ACAN: variants seen among roughly 807,000 people sequenced by gnomAD.
ACAN encodes the protein aggrecan core protein.
ACAN carries 47 observed loss-of-function variants against 169.1 expected under a neutral mutation model. That is an observed-to-expected ratio of 0.28 (90% CI 0.22 to 0.35). The LOEUF (loss-of-function observed/expected upper bound fraction) is 0.35, where lower values mean the gene tolerates loss of function less well. Ranked by LOEUF, ACAN falls within the 10% of genes least tolerant of loss-of-function variation. ACAN has a pLI of 1.00. For synonymous variants in ACAN, 1,115 were observed against 1,112.2 expected, an observed-to-expected ratio of 1.00 and a Z score of -0.05; for missense variants, 2,716 against 2,759.9, an observed-to-expected ratio of 0.98 and a Z score of 0.36.
At chr15:88,842,239 C>T (rs1236289474) in intron 5 of ACAN, among the ~76,000 whole-genome samples, 1 of 152,124 alleles carries the variant, frequency 6.6e-6, no homozygotes, top group Non-Finnish European at 1.5e-5. Context: ...GCCTTACCCT[C>T]GCAAGCGACA....
chr15:88,852,802 TG>T (rs1896960131), intron 11 of ACAN, among the ~76,000 whole-genome samples: 1 of 152,186 alleles, frequency 6.6e-6, no homozygotes, highest in African/African-American at 2.4e-5. Context: ...AGCTTCCAAC[TG>T]GGGAAAGCTT....
Position 88,857,135 on chromosome 15 carries a change from C to A in ACAN, c.4550C>A (p.Thr1517Asn). 1 of 1,606,884 alleles carries A rather than the reference C, an allele frequency of 6.2e-7. No homozygotes were observed. Among genetic ancestry groups the A allele is most frequent in the Admixed American group, 1.7e-5 (1 of 59,452 alleles). Residue 1517 changes from threonine to asparagine, a missense_variant, in exon 12 of 19, where the codon ACC becomes AAC. Around this residue, in one of 3 missense-constraint regions of ACAN, gnomAD observed 1,389 missense variants for 1,363.7 expected, o/e 1.02. Transcript: ENST00000560601. ...SELPSGEGLE[T>N]SASGVEDLSR... ...CTTCCTTCAGGAGAAGGTCTAGAGA[C>A]CTCTGCTTCTGGAGTAGAGGACCTC...
chr15:88,824,836 A>G (rs1446117602), intron 1 of ACAN, among the ~76,000 whole-genome samples: 4 of 151,840 alleles, frequency 2.6e-5, no homozygotes, highest in Non-Finnish European at 5.9e-5. Context: ...CCAAGATCTG[A>G]CAGGCCTTCA....
intron 13 of ACAN, among the ~76,000 whole-genome samples, chr15:88,865,228 C>G (rs141745629): frequency 2.2e-4 from 34 of 152,280 alleles, no homozygotes; most frequent in African/African-American, 8.2e-4. Context: ...AGTCCCTGCT[C>G]AGTGATGATG....
chr15:88,858,796 G>A lies in ACAN; in HGVS notation c.6211G>A (p.Gly2071Arg), dbSNP rs1179934276. ...CACACCCCAGCTTTTTGAGTCCAGT[G>A]GAAAAGTCTCCACAGCTGGGGACAT... ...THTPQLFESS[G>R]KVSTAGDISG... The change falls in exon 12 of 19, where the codon GGA becomes AGA. Residue 2071 changes from glycine (G) to arginine (R), a missense_variant. Around this residue, in one of 3 missense-constraint regions of ACAN, gnomAD observed 1,389 missense variants for 1,363.7 expected, o/e 1.02. Coordinates refer to ENST00000560601, the MANE Select transcript of ACAN (RefSeq NM_001369268.1). This position sits in a 1 kb window ranked among gnomAD's most constrained non-coding sequence, Gnocchi z 4.0. The A allele has an allele frequency of 1.2e-6, 2 of 1,613,890 alleles. No homozygotes were observed. The highest frequency in any genetic ancestry group is 1.3e-5 in the African/African-American group (1 of 75,052).
chr15:88,851,690 G>T lies in ACAN; in HGVS notation c.2027-104G>T, dbSNP rs977404499. 3 of 1,386,340 alleles carry T rather than the reference G, an allele frequency of 2.2e-6. No homozygotes were observed. Among genetic ancestry groups the T allele is most frequent in the Non-Finnish European group, 2.9e-6 (3 of 1,041,600 alleles). The allele number at this position is 1,386,340 out of a possible 1,614,324, so 85.9% of individuals were successfully genotyped here. A position where few individuals can be genotyped will look rare whatever the true frequency, so the allele number is the denominator to read the frequency against. ...AGCCATCTGCTGAACTAGGAGGTGG[G>T]GCCTGGCCACCTCAGAGTCCCCTAG... On this transcript the variant is annotated intron_variant, in intron 10 of 18. Coordinates refer to ENST00000560601, the MANE Select transcript of ACAN (RefSeq NM_001369268.1). This position sits in a 1 kb window ranked among gnomAD's most constrained non-coding sequence, Gnocchi z 4.3.
intron 1 of ACAN, among the ~76,000 whole-genome samples, chr15:88,808,279 G>C (rs1567161617): frequency 6.6e-6 from 1 of 152,234 alleles, no homozygotes; most frequent in African/African-American, 2.4e-5. Flanking sequence ...GCCCCAGGCT[G>C]CTGCCCCAGA....
chr15:88,825,021 G>C (rs533961727), intron 1 of ACAN, among the ~76,000 whole-genome samples: 1 of 152,260 alleles, frequency 6.6e-6, no homozygotes, highest in African/African-American at 2.4e-5. Context: ...GAAAGATCCA[G>C]AAGTGTGTGC....
intron 1 of ACAN, among the ~76,000 whole-genome samples, chr15:88,810,515 C>T (rs1462513319): frequency 6.6e-6 from 1 of 152,086 alleles, no homozygotes; most frequent in Non-Finnish European, 1.5e-5. Flanking sequence ...ACCCTCCCCT[C>T]ACTCCATCCC....
chr15:88,826,143 C>T (rs904348719), intron 1 of ACAN, among the ~76,000 whole-genome samples: 2 of 152,154 alleles, frequency 1.3e-5, no homozygotes, highest in African/African-American at 4.8e-5. Context: ...ACTCAGCTCA[C>T]GTCGGGGGGC....
intron 13 of ACAN, among the ~76,000 whole-genome samples, chr15:88,867,380 G>A (rs182550807): frequency 1.3e-5 from 2 of 152,320 alleles, no homozygotes; most frequent in African/African-American, 4.8e-5. Context: ...CAGTGCTGTT[G>A]TGCGACCACT....
chr15:88,867,072 G>A (rs2141628822), intron 13 of ACAN, among the ~76,000 whole-genome samples: 1 of 152,290 alleles, frequency 6.6e-6, no homozygotes, highest in Non-Finnish European at 1.5e-5. Flanking sequence ...TCCCAGGGGA[G>A]GAAACCAAGT....
intron 13 of ACAN, among the ~76,000 whole-genome samples, chr15:88,862,777 T>C (rs1285518733): frequency 3.3e-5 from 5 of 152,068 alleles, no homozygotes; most frequent in Non-Finnish European, 5.9e-5. Context: ...GCGGATGGAT[T>C]GCCTGAGGTC....
intron 13 of ACAN, among the ~76,000 whole-genome samples, chr15:88,863,316 G>C (rs958266723): frequency 6.6e-6 from 1 of 152,148 alleles, no homozygotes; most frequent in African/African-American, 2.4e-5. Context: ...CATCACCCAA[G>C]GGAATTAGGC....
Position 88,868,515 on chromosome 15 carries a change from T to C in ACAN, c.7060+186T>C, listed in dbSNP as rs921612066. 1.3e-5 allele frequency among the ~76,000 whole-genome samples: 2 copies of C among 152,170 alleles called. No individual in the cohort carries two copies. The highest frequency in any genetic ancestry group is 2.9e-5 in the Non-Finnish European group (2 of 68,034). On this transcript the variant is annotated intron_variant, in intron 14 of 18. Coordinates refer to ENST00000560601, the MANE Select transcript of ACAN (RefSeq NM_001369268.1). The surrounding 1 kb of genome is among the most constrained non-coding windows in gnomAD (Gnocchi z 5.2). ...ATTCCCACTCTTTTTCTTGCTCTCC[T>C]CCTTGAAAACCCTTTTCTGGAGCAC... is the stretch of plus-strand genomic sequence containing the variant.
chr15:88,874,199 A>G lies in ACAN; in HGVS notation c.7630+175A>G, dbSNP rs530515400. 1 of 1,055,234 alleles carries G rather than the reference A, an allele frequency of 9.5e-7. No homozygotes were observed. The highest frequency in any genetic ancestry group is 2.0e-5 in the Admixed American group (1 of 50,156). 65.4% of individuals were successfully genotyped at this position (1,055,234 alleles called of 1,614,324 possible). A position where few individuals can be genotyped will look rare whatever the true frequency, so the allele number is the denominator to read the frequency against. ...ACCACTGCCCTTAGAAGGGCCACGT[A>G]CTTGTCCCAGGAGAGGGCTCACTTG... On this transcript the variant is annotated intron_variant, in intron 18 of 18. Transcript: ENST00000560601. This position sits in a 1 kb window ranked among gnomAD's most constrained non-coding sequence, Gnocchi z 7.3.
chr15:88,840,380 A>T (rs1357196169), intron 4 of ACAN, among the ~76,000 whole-genome samples, 194 bp downstream of exon 4: 1 of 152,008 alleles, frequency 6.6e-6, no homozygotes, highest in East Asian at 1.9e-4. Context: ...TGTTATTGTG[A>T]TTCTCTCTTG....
intron 1 of ACAN, among the ~76,000 whole-genome samples, chr15:88,818,518 G>A (rs1895997537): frequency 1.3e-5 from 2 of 152,188 alleles, no homozygotes; most frequent in Admixed American, 6.5e-5. Flanking sequence ...TTTCTCTTAT[G>A]GTGTGAGCAC....
At chr15:88,865,037 C>T (rs896944407) in intron 13 of ACAN, among the ~76,000 whole-genome samples, 2 of 152,212 alleles carry the variant, frequency 1.3e-5, no homozygotes, top group African/African-American at 4.8e-5. Flanking sequence ...CCTGACGTCT[C>T]CAATTCAGAC....
Sources: gnomAD v4.1 joint callset for allele counts (sites outside exome capture counted in the v4.1 genomes callset) on GRCh38, gnomAD v4.1.1 for gene constraint, gnomAD v4.1.1 regional missense constraint, Gnocchi (gnomAD v3.1) non-coding constraint, MANE v1.5 for transcripts, NCBI Gene and HGNC (gene_info 2026-07-23, HGNC 2026-07-21) for gene names.